Variants in ESRP1 observed in about 807,000 individuals in gnomAD.
ESRP1 encodes the protein RNA-binding motif protein 35A.
In ESRP1, 33 loss-of-function variants were observed where a neutral mutation model predicts 81.7. The observed-to-expected ratio is 0.40, with a 90% CI of 0.31 to 0.54. ESRP1 has a LOEUF of 0.54. ESRP1 is among the 20% of genes least tolerant of loss of function. The pLI, the probability that ESRP1 is intolerant of heterozygous loss-of-function variation, is 0.41. For missense variants in ESRP1, 672 were observed against 833.1 expected (o/e 0.81, Z 2.38); for synonymous variants, 320 against 303.3 (o/e 1.06, Z -0.57).
chr8:94,693,196 C>G (rs571139062), intron 14 of ESRP1, among the ~76,000 whole-genome samples: 10 of 152,142 alleles, frequency 6.6e-5, no homozygotes, highest in Non-Finnish European at 1.5e-4. Context: ...TTGACTAAAC[C>G]AATAAGTACT....
intron 11 of ESRP1, among the ~76,000 whole-genome samples, chr8:94,672,623 C>T (rs1237902716): frequency 6.6e-6 from 1 of 151,962 alleles, no homozygotes; most frequent in Non-Finnish European, 1.5e-5. Flanking sequence ...ATCTCTGCCT[C>T]CTGAGTTCAA....
chr8:94,671,165 TAA>T (rs1819301119), intron 10 of ESRP1, among the ~76,000 whole-genome samples: 1 of 152,224 alleles, frequency 6.6e-6, no homozygotes, highest in Non-Finnish European at 1.5e-5. Context: ...ACTAACTGTT[TAA>T]GTGTTTTGTG....
intron 11 of ESRP1, among the ~76,000 whole-genome samples, chr8:94,672,554 A>T (rs1158020205): frequency 6.7e-6 from 1 of 150,040 alleles, no homozygotes; most frequent in African/African-American, 2.5e-5. Context: ...TTTTTTTGAG[A>T]CAGAGTCTCA....
chr8:94,650,011 C>T (rs933612240), intron 4 of ESRP1, among the ~76,000 whole-genome samples: 6 of 152,108 alleles, frequency 3.9e-5, no homozygotes, highest in African/African-American at 1.4e-4. Flanking sequence ...CTCCCTGCTC[C>T]TTCCCTTCCT....
intron 13 of ESRP1, among the ~76,000 whole-genome samples, chr8:94,684,140 C>T (rs1274086814): frequency 8.0e-6 from 1 of 125,050 alleles, no homozygotes; most frequent in African/African-American, 3.0e-5. Flanking sequence ...AGCCACTGCG[C>T]ACGCCTTGGG....
chr8:94,641,882 G>C, intron 1 of ESRP1, 74 bp from the exon 2 acceptor site: 6 of 1,580,574 alleles, frequency 3.8e-6, no homozygotes, highest in Non-Finnish European at 5.2e-6. Flanking sequence ...CCCCAGCAGG[G>C]GAGCGAGGGA....
At chr8:94,700,822 G>T (rs945720472) in intron 15 of ESRP1, among the ~76,000 whole-genome samples, 2 of 151,054 alleles carry the variant, frequency 1.3e-5, no homozygotes, top group Non-Finnish European at 3.0e-5. Flanking sequence ...CCAGCTACTC[G>T]GGAGGCTGGG....
chr8:94,647,110 A>G (rs1337524971), intron 4 of ESRP1, among the ~76,000 whole-genome samples: 1 of 152,204 alleles, frequency 6.6e-6, no homozygotes, highest in African/African-American at 2.4e-5. Context: ...TCAGGAATTA[A>G]AACCTGGTTT....
intron 6 of ESRP1, 134 bp from the exon 7 acceptor site, chr8:94,664,563 T>C: frequency 1.5e-6 from 1 of 654,574 alleles, no homozygotes; most frequent in South Asian, 1.9e-5. Flanking sequence ...ATAAGGAAAA[T>C]CAAGTAGTAT....
chr8:94,665,373 G>T (rs1247746191), intron 9 of ESRP1, among the ~76,000 whole-genome samples, 177 bp downstream of exon 9: 1 of 152,194 alleles, frequency 6.6e-6, no homozygotes, highest in Non-Finnish European at 1.5e-5. Context: ...TGAGCTTAAT[G>T]TATAACACTT....
In ESRP1 at chr8:94,692,676, GC is replaced by G. The variant is rs1289254188; in HGVS notation, c.1826del (p.Pro609GlnfsTer79). ...GTTCACTGTGCTTTCTCTCCCTTTA[GC>G]CCCCCAGGTTCGCCTAATAGTCTTG... ...LFMNYTAYYPSPPGSPNSLGY... is the reference protein window; with the variant it reads ...LFMNYTAYYPXPPGSPNSLGY... On this transcript the variant is annotated frameshift_variant and splice_region_variant, in exon 14 of 16. Transcript: ENST00000433389. LOFTEE classifies it high-confidence loss of function. The G allele has an allele frequency of 6.2e-7, 1 of 1,612,486 alleles. No individual in the cohort carries two copies. Among genetic ancestry groups the G allele is most frequent in the Non-Finnish European group, 8.5e-7 (1 of 1,178,918 alleles).
chr8:94,664,441 A>G (rs895643460), intron 6 of ESRP1, among the ~76,000 whole-genome samples: 2 of 152,122 alleles, frequency 1.3e-5, no homozygotes, highest in African/African-American at 4.8e-5. Context: ...GCTTTGATAG[A>G]TAGATGGTTT....
At chr8:94,650,577 C>T (rs148888080) in intron 4 of ESRP1, among the ~76,000 whole-genome samples, 1 of 151,760 alleles carries the variant, frequency 6.6e-6, no homozygotes, top group Non-Finnish European at 1.5e-5. Context: ...TATCCATACA[C>T]GGTTTGTTTA....
intron 3 of ESRP1, among the ~76,000 whole-genome samples, chr8:94,644,110 A>T (rs138662114): frequency 1.9e-3 from 282 of 152,314 alleles, no homozygotes; most frequent in African/African-American, 6.5e-3. Flanking sequence ...AGTGAGAGAA[A>T]TACAGTCTTA....
intron 13 of ESRP1, among the ~76,000 whole-genome samples, chr8:94,681,329 A>G (rs1214147429): frequency 1.4e-5 from 2 of 139,060 alleles, no homozygotes; most frequent in African/African-American, 5.6e-5. Context: ...CCATCTCAAA[A>G]AAAAAAAAAA....
intron 15 of ESRP1, among the ~76,000 whole-genome samples, chr8:94,704,979 A>G (rs1810006199): frequency 6.6e-6 from 1 of 151,976 alleles, no homozygotes; most frequent in African/African-American, 2.4e-5. Context: ...GCCCATTACT[A>G]ACTTAATCAT....
chr8:94,675,173 C>A (rs779320768), intron 12 of ESRP1, among the ~76,000 whole-genome samples: 1 of 112,268 alleles, frequency 8.9e-6, no homozygotes, highest in South Asian at 4.0e-4. Flanking sequence ...CTGTAGTCTA[C>A]GAAGTTCTAG....
intron 6 of ESRP1, 91 bp from the exon 7 acceptor site, chr8:94,664,606 C>T (rs1818924101): frequency 1.2e-6 from 1 of 863,542 alleles, no homozygotes; most frequent in Non-Finnish European, 1.9e-6. Flanking sequence ...ATAATACATC[C>T]TGTGTAACTA....
At chr8:94,689,128 G>A (rs184064580) in intron 13 of ESRP1, among the ~76,000 whole-genome samples, 1 of 151,958 alleles carries the variant, frequency 6.6e-6, no homozygotes, top group East Asian at 1.9e-4. Context: ...GCACATGCTT[G>A]TAATCCCAGG....
Sources: allele counts gnomAD v4.1 joint callset (sites outside exome capture counted in the v4.1 genomes callset), GRCh38; gene constraint gnomAD v4.1.1; transcripts MANE v1.5; gene names NCBI Gene and HGNC (gene_info 2026-07-23, HGNC 2026-07-21).